Variants in SIL1 observed in about 807,000 individuals in gnomAD.
The protein encoded by SIL1 is SIL1 nucleotide exchange factor.
A neutral mutation model predicts 49.1 loss-of-function variants in SIL1; 40 were observed. The ratio of observed to expected loss-of-function variants is 0.81; its 90% CI spans 0.63 to 1.06. The LOEUF (loss-of-function observed/expected upper bound fraction) is 1.06, where lower values mean the gene tolerates loss of function less well. SIL1 is among the 50% of genes least tolerant of loss of function. SIL1 has a pLI of 0.00. For missense variants in SIL1, 500 were observed against 572.6 expected (o/e 0.87, Z 1.29); for synonymous variants, 253 against 250.8 (o/e 1.01, Z -0.08).
At chr5:138,966,393 T>G (rs1028398547) in intron 7 of SIL1, among the ~76,000 whole-genome samples, 1 of 152,134 alleles carries the variant, frequency 6.6e-6, no homozygotes, top group South Asian at 2.1e-4. Flanking sequence ...CCCTTCCTCC[T>G]GGTCTTAGGC....
intron 1 of SIL1, among the ~76,000 whole-genome samples, chr5:139,164,799 C>T (rs1751583565): frequency 6.6e-6 from 1 of 152,124 alleles, no homozygotes; most frequent in South Asian, 2.1e-4. Context: ...TTTTATCTGG[C>T]CCAAATTCCT....
chr5:139,046,845 T>C (rs1344087220), intron 4 of SIL1, among the ~76,000 whole-genome samples: 1 of 152,222 alleles, frequency 6.6e-6, no homozygotes, highest in Non-Finnish European at 1.5e-5. Context: ...TTGGGGCCAG[T>C]TAATTAATCT....
intron 3 of SIL1, among the ~76,000 whole-genome samples, chr5:139,084,800 TAAAAA>T (rs199603063): frequency 6.6e-6 from 1 of 150,514 alleles, no homozygotes; most frequent in Non-Finnish European, 1.5e-5. Context: ...TAAAAATAAA[TAAAAA>T]AAAATAAAAA....
intron 1 of SIL1, among the ~76,000 whole-genome samples, chr5:139,152,888 A>T (rs1252739614): frequency 6.6e-6 from 1 of 152,110 alleles, no homozygotes; most frequent in African/African-American, 2.4e-5. Context: ...GCGCGATCTC[A>T]GCTCACCGCA....
intron 7 of SIL1, among the ~76,000 whole-genome samples, chr5:139,019,078 A>C (rs1768462312): frequency 6.6e-6 from 1 of 152,230 alleles, no homozygotes; most frequent in Non-Finnish European, 1.5e-5. Flanking sequence ...TCTAGATACT[A>C]TCCCCAGTGC....
intron 3 of SIL1, among the ~76,000 whole-genome samples, chr5:139,065,626 A>C (rs1769687884): frequency 6.6e-6 from 1 of 152,170 alleles, no homozygotes; most frequent in Non-Finnish European, 1.5e-5. Flanking sequence ...TGCTCCAGCA[A>C]AGCTGCTGCT....
chr5:139,156,827 G>A (rs188279446), intron 1 of SIL1, among the ~76,000 whole-genome samples: 18 of 152,286 alleles, frequency 1.2e-4, no homozygotes, highest in Non-Finnish European at 1.2e-4. Context: ...CAGACTTCTG[G>A]CCTCCAAAAC....
At chr5:139,142,497 A>C (rs1751100517) in intron 1 of SIL1, among the ~76,000 whole-genome samples, 2 of 152,248 alleles carry the variant, frequency 1.3e-5, no homozygotes, top group South Asian at 4.1e-4. Context: ...TATGAAATGC[A>C]ATCAATGTAA....
Position 138,953,846 on chromosome 5 carries a change from T to C in SIL1, c.768-1962A>G, listed in dbSNP as rs369085877. On this transcript the variant is annotated intron_variant, in intron 7 of 9. Transcript: ENST00000394817. ...ATTCACACAAACATCAAATGCTGCT[T>C]CCCCAAGGGGGCTGAGAGATCTGAC... Among the ~76,000 whole-genome samples the C allele has an allele frequency of 2.3e-4, 35 of 152,308 alleles. No individual in the cohort carries two copies. In the South Asian group the frequency reaches 6.4e-3, roughly 28 times the overall value.
intron 1 of SIL1, chr5:139,196,327 G>T (rs1339358890): frequency 6.6e-6 from 1 of 152,158 alleles, no homozygotes; most frequent in African/African-American, 2.4e-5. Flanking sequence ...AAATCACTTA[G>T]GCACGCCATC....
chr5:139,084,450 A>G (rs1278082540), intron 3 of SIL1, among the ~76,000 whole-genome samples: 3 of 91,052 alleles, frequency 3.3e-5, no homozygotes, highest in African/African-American at 1.3e-4. Flanking sequence ...AATACTATGC[A>G]GCCATAAAAA....
At chr5:139,045,710 C>A (rs1191063680) in intron 4 of SIL1, among the ~76,000 whole-genome samples, 1 of 152,176 alleles carries the variant, frequency 6.6e-6, no homozygotes, top group African/African-American at 2.4e-5. Context: ...CCTTATAAGT[C>A]TGTCCCCCTC....
chr5:139,176,331 C>T (rs1037449116), intron 1 of SIL1, among the ~76,000 whole-genome samples: 3 of 152,172 alleles, frequency 2.0e-5, no homozygotes, highest in African/African-American at 7.2e-5. Context: ...CTACAGCTCT[C>T]TTCTGAACCT....
chr5:139,046,213 G>C (rs984179035), intron 4 of SIL1, among the ~76,000 whole-genome samples: 1 of 152,200 alleles, frequency 6.6e-6, no homozygotes, highest in African/African-American at 2.4e-5. Context: ...TGTAATCCCA[G>C]CTACTCGGGA....
chr5:138,985,120 C>T (rs10044736), intron 7 of SIL1, among the ~76,000 whole-genome samples: 54,450 of 152,046 alleles, frequency 0.36, 9,797 homozygotes, highest in Middle Eastern at 0.44. Flanking sequence ...GGTTCACCAG[C>T]TCTGATGTGG....
At chr5:139,114,964 AGCCGCAGGG>A (rs1259807691) in intron 3 of SIL1, among the ~76,000 whole-genome samples, 1 of 152,206 alleles carries the variant, frequency 6.6e-6, no homozygotes, top group Non-Finnish European at 1.5e-5. Flanking sequence ...CACTTTGATG[AGCCGCAGGG>A]GCTTAGGCAT....
chr5:139,025,456 T>C (rs934752082), intron 6 of SIL1, among the ~76,000 whole-genome samples: 4 of 152,222 alleles, frequency 2.6e-5, no homozygotes, highest in African/African-American at 9.6e-5. Flanking sequence ...CGGAAGTCAA[T>C]GAATTAATGC....
chr5:139,023,809 A>AT (rs1268388894), intron 6 of SIL1, among the ~76,000 whole-genome samples: 2 of 152,176 alleles, frequency 1.3e-5, no homozygotes, highest in Non-Finnish European at 2.9e-5. Context: ...GTCTTACTTA[A>AT]TCCCCCAGTG....
intron 1 of SIL1, among the ~76,000 whole-genome samples, chr5:139,142,398 T>C (rs1751097461): frequency 6.6e-6 from 1 of 152,108 alleles, no homozygotes; most frequent in South Asian, 2.1e-4. Flanking sequence ...AACAAAATAC[T>C]AGCAAGCCAA....
Sources: gnomAD v4.1 joint callset for allele counts (sites outside exome capture counted in the v4.1 genomes callset) on GRCh38, gnomAD v4.1.1 for gene constraint, MANE v1.5 for transcripts, NCBI Gene and HGNC (gene_info 2026-07-23, HGNC 2026-07-21) for gene names.